Variants in SDK1 observed in about 807,000 individuals in gnomAD.
SDK1 encodes the protein sidekick cell adhesion molecule 1, also known as protein sidekick-1.
In SDK1, 157 loss-of-function variants were observed where a neutral mutation model predicts 245.5. The observed-to-expected ratio is 0.64, with a 90% confidence interval of 0.56 to 0.73. SDK1 has a LOEUF of 0.73. SDK1 is among the 30% of genes least tolerant of loss of function. The pLI, the probability that SDK1 is intolerant of heterozygous loss-of-function variation, is 0.00. For synonymous variants in SDK1, 1,647 were observed against 1,278.5 expected (o/e 1.29, Z -6.15); for missense variants, 3,583 against 3,002.3 (o/e 1.19, Z -4.52).
At chr7:3,657,852 A>G (rs753274610) in intron 4 of SDK1, among the ~76,000 whole-genome samples, 1 of 152,160 alleles carries the variant, frequency 6.6e-6, no homozygotes, top group Non-Finnish European at 1.5e-5. Context: ...CTGCAGGGGG[A>G]AAGAAAGTGG....
chr7:4,147,001 C>A (rs1405420057), intron 29 of SDK1, among the ~76,000 whole-genome samples: 1 of 152,204 alleles, frequency 6.6e-6, no homozygotes, highest in Non-Finnish European at 1.5e-5. Flanking sequence ...CGCGCATGTC[C>A]TCGGGCCTTG....
At position 3,615,004 on chromosome 7, in the gene SDK1, A is replaced by G. The variant is rs1781722745; in HGVS notation, c.299-4076A>G. Among the ~76,000 whole-genome samples the G allele has an allele frequency of 4.6e-5, 7 of 151,744 alleles. 1 individual carries two copies. The South Asian group carries it at 1.5e-3, about 32-fold the overall frequency. On this transcript the variant is annotated intron_variant, in intron 1 of 44. Coordinates refer to ENST00000404826, the MANE Select transcript of SDK1 (RefSeq NM_152744.4). ...TGTTTAACTATAAAGTCCATGAAAA[A>G]TTGAGTTGTAGTATCATTTTAATTC...
chr7:3,552,266 C>CGA lies in SDK1; in HGVS notation c.299-66814_299-66813insGA, dbSNP rs1562557830. On this transcript the variant is annotated intron_variant, in intron 1 of 44. Coordinates refer to ENST00000404826, the MANE Select transcript of SDK1 (RefSeq NM_152744.4). Reference sequence around the variant, plus strand: ...ATTAGCAAGGATGGTCTCGATCGATCTCCTGACCTTGTGATCCACCCGCCT... The same window carrying CGA: ...ATTAGCAAGGATGGTCTCGATCGATCGATCCTGACCTTGTGATCCACCCGCCT... Among the ~76,000 whole-genome samples, 4 of 152,270 alleles carry CGA rather than the reference C, an allele frequency of 2.6e-5. No homozygotes were observed. The South Asian group carries it at 8.3e-4, about 32-fold the overall frequency.
intron 4 of SDK1, among the ~76,000 whole-genome samples, chr7:3,674,837 C>T (rs1182813532): frequency 6.6e-6 from 1 of 152,082 alleles, no homozygotes; most frequent in Non-Finnish European, 1.5e-5. Context: ...GTTCAGCACG[C>T]ATTGGGTAAA....
chr7:3,865,618 C>T (rs985219693), intron 5 of SDK1, among the ~76,000 whole-genome samples: 6 of 152,116 alleles, frequency 3.9e-5, no homozygotes, highest in Non-Finnish European at 7.4e-5. Context: ...AAGTGATCCT[C>T]CCACCTCAGC....
At chr7:3,624,391 G>T (rs1345452066) in intron 2 of SDK1, among the ~76,000 whole-genome samples, 1 of 152,056 alleles carries the variant, frequency 6.6e-6, no homozygotes, top group African/African-American at 2.4e-5. Context: ...TGCAGATGGG[G>T]TTGCACTGTG....
At chr7:3,460,747 G>C (rs4722827) in intron 1 of SDK1, among the ~76,000 whole-genome samples, 61,619 of 151,934 alleles carry the variant, frequency 0.41, 14,112 homozygotes, top group East Asian at 0.51. Context: ...CTTATTTTGG[G>C]GCTAAAAACA....
chr7:4,049,792 G>A (rs1583944114), intron 18 of SDK1, among the ~76,000 whole-genome samples: 1 of 152,272 alleles, frequency 6.6e-6, no homozygotes, highest in East Asian at 1.9e-4. Context: ...CCAGAAGGAG[G>A]TCCTCTCAGG....
chr7:3,476,476 A>C (rs1474432065), intron 1 of SDK1, among the ~76,000 whole-genome samples: 1 of 152,132 alleles, frequency 6.6e-6, no homozygotes, highest in Non-Finnish European at 1.5e-5. Context: ...ATCTATTTCT[A>C]CATTTCTGCC....
intron 20 of SDK1, among the ~76,000 whole-genome samples, chr7:4,072,857 T>A (rs1780347640): frequency 6.6e-6 from 1 of 152,184 alleles, no homozygotes; most frequent in African/African-American, 2.4e-5. Flanking sequence ...CCATTTTAAT[T>A]CGAGGCCTGG....
chr7:3,363,085 A>G (rs903210753), intron 1 of SDK1, among the ~76,000 whole-genome samples: 1 of 152,190 alleles, frequency 6.6e-6, no homozygotes, highest in African/African-American at 2.4e-5. Context: ...GAACGTTTCC[A>G]TCACCACAAG....
chr7:3,477,664 C>G (rs767074959), intron 1 of SDK1, among the ~76,000 whole-genome samples: 1 of 151,906 alleles, frequency 6.6e-6, no homozygotes, highest in African/African-American at 2.4e-5. Context: ...TCAGCACACA[C>G]TACCACACCC....
At chr7:4,112,734 A>G (rs898363119) in intron 23 of SDK1, among the ~76,000 whole-genome samples, 5 of 151,478 alleles carry the variant, frequency 3.3e-5, no homozygotes, top group African/African-American at 9.8e-5. Context: ...CTTTTAGGGG[A>G]AAAAGGGCAC....
At chr7:3,799,295 A>G (rs1023895724) in intron 4 of SDK1, among the ~76,000 whole-genome samples, 1 of 151,826 alleles carries the variant, frequency 6.6e-6, no homozygotes, top group Non-Finnish European at 1.5e-5. Flanking sequence ...GGATCCAGTA[A>G]TTCTTCTATC....
At chr7:4,247,228 C>G (rs1401874684) in intron 44 of SDK1, among the ~76,000 whole-genome samples, 1 of 152,154 alleles carries the variant, frequency 6.6e-6, no homozygotes, top group Non-Finnish European at 1.5e-5. Flanking sequence ...CGAATGGCTT[C>G]TTTTCAACTG....
chr7:4,110,607 G>A, intron 22 of SDK1, 56 bp from the exon 23 acceptor site: 1 of 1,264,856 alleles, frequency 7.9e-7, no homozygotes, highest in Non-Finnish European at 1.2e-6. Flanking sequence ...TGGTCTACAT[G>A]GCAGCCTCAG....
chr7:4,011,136 G>T, intron 15 of SDK1, 23 bp downstream of exon 15: 6 of 1,611,326 alleles, frequency 3.7e-6, no homozygotes, highest in South Asian at 2.2e-5. Context: ...CGCCCCAGGT[G>T]GGGGTGTGGA....
chr7:3,804,015 T>A (rs886353093), intron 4 of SDK1, among the ~76,000 whole-genome samples: 2 of 152,086 alleles, frequency 1.3e-5, no homozygotes, highest in Admixed American at 1.3e-4. Context: ...CCACCTGCCT[T>A]GGCCTCCCAA....
At chr7:3,990,906 C>G (rs1311213483) in intron 14 of SDK1, among the ~76,000 whole-genome samples, 1 of 152,226 alleles carries the variant, frequency 6.6e-6, no homozygotes, top group African/African-American at 2.4e-5. Context: ...GTTAGCTTGC[C>G]TCCATGAGAA....
Sources: allele counts gnomAD v4.1 joint callset (sites outside exome capture counted in the v4.1 genomes callset), GRCh38; gene constraint gnomAD v4.1.1; transcripts MANE v1.5; gene names NCBI Gene and HGNC (gene_info 2026-07-23, HGNC 2026-07-21).